The following ZBTB20 variants were observed in gnomAD, a reference collection of about 807,000 sequenced individuals.
ZBTB20 encodes zinc finger and BTB domain-containing protein 20.
Under a neutral mutation model 56.9 loss-of-function variants are expected in ZBTB20, and 9 were observed. The observed-to-expected ratio is 0.16, with a 90% CI of 0.10 to 0.28. The LOEUF (loss-of-function observed/expected upper bound fraction) is 0.28. Among genes scored for constraint, ZBTB20 ranks in the 10% least tolerant of loss-of-function variants. ZBTB20 has a pLI of 1.00. For missense variants in ZBTB20, 655 were observed against 1,003.0 expected (o/e 0.65, Z 4.69); for synonymous variants, 417 against 420.7 (o/e 0.99, Z 0.11).
chr3:114,355,156 C>T (rs745622367), intron 10 of ZBTB20, among the ~76,000 whole-genome samples: 2 of 152,120 alleles, frequency 1.3e-5, no homozygotes, highest in Non-Finnish European at 2.9e-5. Context: ...GAAATGAACA[C>T]AGATAATCAC....
At chr3:115,095,224 A>T (rs1483297384) in intron 1 of ZBTB20, among the ~76,000 whole-genome samples, 1 of 152,192 alleles carries the variant, frequency 6.6e-6, no homozygotes, top group East Asian at 1.9e-4. Context: ...TCTGGAAACT[A>T]GATGAATCAA....
At chr3:114,576,932 A>G (rs2054138249) in intron 6 of ZBTB20, among the ~76,000 whole-genome samples, 1 of 152,178 alleles carries the variant, frequency 6.6e-6, no homozygotes, top group African/African-American at 2.4e-5. Flanking sequence ...AACATTAAAA[A>G]TAATAACCAT....
intron 5 of ZBTB20, among the ~76,000 whole-genome samples, chr3:114,712,032 A>C (rs535459618): frequency 6.6e-6 from 1 of 152,302 alleles, no homozygotes; most frequent in South Asian, 2.1e-4. Context: ...AAAAACTCCA[A>C]AGCAAAGGAT....
rs1053735258 is a variant in ZBTB20 at position 114,337,704 on chromosome 3, AT to A, written c.*1300del. 22 of 152,272 alleles carry A rather than the reference AT, an allele frequency of 1.4e-4. No individual in the cohort carries two copies. The highest frequency in any genetic ancestry group is 7.8e-4 in the Admixed American group (12 of 15,302). The allele number at this position is 152,272 out of a possible 1,614,324, so 9.4% of individuals were successfully genotyped here. On this transcript the variant is annotated 3_prime_UTR_variant, in exon 12 of 12. Transcript: ENST00000675478. ...TAAAAATTAAGAAAAATTAAAAAAA[AT>A]ATGAAGAAAATATCCTTCCTCTCTT...
chr3:114,679,022 C>A lies in ZBTB20; in HGVS notation c.-295+14506G>T, dbSNP rs375828832. ...AGGTGCTTAATATGAACAAGCCCTG[C>A]AAGACAGGTATCATAATCTTTGTCT... On this transcript the variant is annotated intron_variant, in intron 6 of 11. Coordinates refer to ENST00000675478, the MANE Select transcript of ZBTB20 (RefSeq NM_001348800.3). Among the ~76,000 whole-genome samples the A allele has an allele frequency of 3.3e-5, 5 of 152,092 alleles. No individual in the cohort carries two copies. The East Asian group carries it at 5.8e-4, about 18-fold the overall frequency.
chr3:114,620,650 T>C (rs946602884), intron 6 of ZBTB20, among the ~76,000 whole-genome samples: 2 of 152,210 alleles, frequency 1.3e-5, no homozygotes, highest in African/African-American at 2.4e-5. Flanking sequence ...CATGTAGATA[T>C]CCATTCATTC....
chr3:114,809,831 T>C (rs1457120700), intron 4 of ZBTB20, among the ~76,000 whole-genome samples: 1 of 152,248 alleles, frequency 6.6e-6, no homozygotes, highest in Non-Finnish European at 1.5e-5. Flanking sequence ...CTTCTGACTT[T>C]TCCCTGTTGA....
chr3:114,932,280 C>T (rs537133073), intron 3 of ZBTB20, among the ~76,000 whole-genome samples: 1 of 152,188 alleles, frequency 6.6e-6, no homozygotes, highest in African/African-American at 2.4e-5. Context: ...GAATTTATTT[C>T]AAAAATGGTG....
chr3:114,831,676 A>C (rs1002333960), intron 4 of ZBTB20, among the ~76,000 whole-genome samples: 9 of 152,114 alleles, frequency 5.9e-5, no homozygotes, highest in Non-Finnish European at 1.2e-4. Context: ...GAAAAATATG[A>C]CCTATATCAT....
chr3:115,133,906 G>A (rs2084581560), intron 1 of ZBTB20, among the ~76,000 whole-genome samples: 1 of 152,172 alleles, frequency 6.6e-6, no homozygotes, highest in Non-Finnish European at 1.5e-5. Context: ...GAGTGGAATT[G>A]ACAGGCTCAT....
At chr3:114,584,648 C>T (rs1406910049) in intron 6 of ZBTB20, among the ~76,000 whole-genome samples, 1 of 152,112 alleles carries the variant, frequency 6.6e-6, no homozygotes, top group Non-Finnish European at 1.5e-5. Context: ...ACATTTCACC[C>T]TGGAGACAGT....
At chr3:115,146,961 G>A (rs1253825758) in intron 1 of ZBTB20, among the ~76,000 whole-genome samples, 2 of 150,666 alleles carry the variant, frequency 1.3e-5, no homozygotes, top group Non-Finnish European at 3.0e-5. Flanking sequence ...GCCGCCGGGC[G>A]CTAAGAAGGG....
At chr3:114,709,974 C>A (rs1226667716) in intron 5 of ZBTB20, among the ~76,000 whole-genome samples, 1 of 152,084 alleles carries the variant, frequency 6.6e-6, no homozygotes. Flanking sequence ...TTCACTAATT[C>A]CAACAATGGG....
intron 2 of ZBTB20, among the ~76,000 whole-genome samples, chr3:115,040,821 G>A (rs2081111422): frequency 6.6e-6 from 1 of 152,058 alleles, no homozygotes; most frequent in Non-Finnish European, 1.5e-5. Flanking sequence ...AACATTTCAG[G>A]GGGAGTGGAA....
chr3:114,420,295 G>A (rs1285972889), intron 7 of ZBTB20, among the ~76,000 whole-genome samples: 2 of 152,114 alleles, frequency 1.3e-5, no homozygotes, highest in South Asian at 2.1e-4. Context: ...TTAGCACCAC[G>A]GACAGAGCTG....
intron 4 of ZBTB20, among the ~76,000 whole-genome samples, chr3:114,887,302 A>G (rs2076638167): frequency 6.6e-6 from 1 of 152,128 alleles, no homozygotes; most frequent in Non-Finnish European, 1.5e-5. Context: ...TCTTCCATAG[A>G]TATTTACTAC....
chr3:114,406,369 G>T (rs986909466), intron 7 of ZBTB20, among the ~76,000 whole-genome samples: 2 of 152,134 alleles, frequency 1.3e-5, no homozygotes, highest in African/African-American at 4.8e-5. Context: ...GCTTCAGGAA[G>T]ACATGAAACA....
chr3:114,487,735 T>C (rs1162290799), intron 7 of ZBTB20, among the ~76,000 whole-genome samples: 3 of 152,206 alleles, frequency 2.0e-5, no homozygotes, highest in Non-Finnish European at 4.4e-5. Context: ...ATGCTGTTAG[T>C]GTGGTATTTC....
intron 10 of ZBTB20, among the ~76,000 whole-genome samples, chr3:114,367,799 G>A (rs2082578204): frequency 6.6e-6 from 1 of 151,688 alleles, no homozygotes; most frequent in Admixed American, 6.6e-5. Context: ...ACATACAAAT[G>A]GGGGAATAAA....
Sources: gnomAD v4.1 joint callset for allele counts (sites outside exome capture counted in the v4.1 genomes callset) on GRCh38, gnomAD v4.1.1 for gene constraint, MANE v1.5 for transcripts, NCBI Gene and HGNC (gene_info 2026-07-23, HGNC 2026-07-21) for gene names.